The following MATN2 variants were observed in gnomAD, a reference collection of about 807,000 sequenced individuals.
MATN2 encodes the protein matrilin 2.
MATN2 carries 69 observed loss-of-function variants against 103.2 expected under a neutral mutation model. The observed-to-expected ratio is 0.67, with a 90% confidence interval of 0.55 to 0.82. The LOEUF (loss-of-function observed/expected upper bound fraction) is 0.82, where lower values mean the gene tolerates loss of function less well. Among genes scored for constraint, MATN2 ranks in the 40% least tolerant of loss-of-function variants. The pLI, the probability that MATN2 is intolerant of heterozygous loss-of-function variation, is 0.00. For missense variants in MATN2, 1,023 were observed against 1,211.5 expected (o/e 0.84, Z 2.31); for synonymous variants, 429 against 450.2 (o/e 0.95, Z 0.60).
chr8:97,946,142 G>T (rs570338661), intron 4 of MATN2, among the ~76,000 whole-genome samples: 3 of 152,122 alleles, frequency 2.0e-5, no homozygotes, highest in Admixed American at 6.6e-5. Flanking sequence ...TTCTTCAGGG[G>T]AGAAACACAT....
At chr8:98,004,801 C>A (rs1343352367) in intron 8 of MATN2, among the ~76,000 whole-genome samples, 3 of 152,242 alleles carry the variant, frequency 2.0e-5, no homozygotes, top group African/African-American at 7.2e-5. Context: ...CACAACAAAG[C>A]TCCACTGGGT....
chr8:97,918,853 C>A lies in MATN2; in HGVS notation c.143-12100C>A, dbSNP rs77326591. On this transcript the variant is annotated intron_variant, in intron 2 of 18. Coordinates refer to ENST00000254898, the MANE Select transcript of MATN2 (RefSeq NM_002380.5). ...CCTGTTCTGCCACCACTCATTAATC[C>A]CCTGACTGTGCACTTGTCACTTAAC... Among the ~76,000 whole-genome samples, 40 of 152,258 alleles carry A rather than the reference C, an allele frequency of 2.6e-4. No homozygotes were observed. In the East Asian group the frequency reaches 7.0e-3, roughly 26 times the overall value.
intron 6 of MATN2, among the ~76,000 whole-genome samples, chr8:97,988,219 C>T (rs374833542): frequency 2.4e-5 from 3 of 124,348 alleles, no homozygotes; most frequent in Non-Finnish European, 3.3e-5. Flanking sequence ...TACACACATA[C>T]ATATATATAT....
At chr8:97,916,211 A>G (rs1248385075) in intron 2 of MATN2, among the ~76,000 whole-genome samples, 5 of 152,032 alleles carry the variant, frequency 3.3e-5, no homozygotes, top group Non-Finnish European at 7.4e-5. Flanking sequence ...CTGGAATTGC[A>G]GGCACGCGCT....
intron 10 of MATN2, among the ~76,000 whole-genome samples, chr8:98,012,178 G>A (rs1474232772): frequency 1.3e-5 from 2 of 151,972 alleles, no homozygotes; most frequent in Non-Finnish European, 2.9e-5. Context: ...CTTTACCCTC[G>A]TTCTCTACAA....
chr8:97,967,965 A>T (rs1811539383), intron 5 of MATN2, among the ~76,000 whole-genome samples: 1 of 152,238 alleles, frequency 6.6e-6, no homozygotes, highest in Admixed American at 6.5e-5. Context: ...TTTCCAAGAC[A>T]TACTCTGAAG....
At chr8:97,919,047 A>G (rs1207927068) in intron 2 of MATN2, among the ~76,000 whole-genome samples, 3 of 152,200 alleles carry the variant, frequency 2.0e-5, no homozygotes, top group African/African-American at 4.8e-5. Context: ...TATGATTGCC[A>G]TATTTTCAAG....
intron 3 of MATN2, among the ~76,000 whole-genome samples, chr8:97,940,220 G>A (rs753858829): frequency 2.0e-4 from 30 of 152,234 alleles, no homozygotes; most frequent in Non-Finnish European, 3.7e-4. Context: ...TAGGAGAATC[G>A]CTTCAGCTCA....
intron 6 of MATN2, among the ~76,000 whole-genome samples, chr8:97,986,605 T>C (rs7842460): frequency 0.25 from 37,929 of 152,242 alleles, 5,103 homozygotes; most frequent in African/African-American, 0.35. Context: ...GCAAATGCCA[T>C]TCTTTTGTTC....
intron 2 of MATN2, among the ~76,000 whole-genome samples, chr8:97,928,580 GGCTT>G (rs1810071486): frequency 6.6e-6 from 1 of 152,136 alleles, no homozygotes; most frequent in African/African-American, 2.4e-5. Context: ...TGGGGCTCAG[GGCTT>G]GGCTGGATTT....
chr8:97,937,399 C>T (rs1306460207), intron 3 of MATN2, among the ~76,000 whole-genome samples: 1 of 152,108 alleles, frequency 6.6e-6, no homozygotes, highest in East Asian at 1.9e-4. Flanking sequence ...CTCACTTGTT[C>T]GAGGTAGAGG....
chr8:98,004,068 C>G, intron 8 of MATN2: 3 of 343,494 alleles, frequency 8.7e-6, no homozygotes, highest in South Asian at 7.5e-5. Flanking sequence ...GGGCAGATCA[C>G]CTGAGGTCAG....
chr8:97,944,122 C>A (rs773479811), intron 4 of MATN2, among the ~76,000 whole-genome samples: 1 of 152,132 alleles, frequency 6.6e-6, no homozygotes, highest in Admixed American at 6.5e-5. Context: ...GAGGTCCAGG[C>A]GGAGGAGGGC....
chr8:97,917,146 C>T (rs1274044961), intron 2 of MATN2, among the ~76,000 whole-genome samples: 1 of 152,156 alleles, frequency 6.6e-6, no homozygotes, highest in East Asian at 1.9e-4. Flanking sequence ...CATTCCCCAG[C>T]ACCTTCATAA....
rs1554614493 is a variant in MATN2 at position 98,007,856 on chromosome 8, G to GCCCT, written c.1573+256_1573+259dup. On this transcript the variant is annotated intron_variant, in intron 10 of 18. Coordinates refer to ENST00000254898, the MANE Select transcript of MATN2 (RefSeq NM_002380.5). This position sits in a 1 kb window ranked among gnomAD's most constrained non-coding sequence, Gnocchi z 4.2. ...CCCTGTCATTCTGAAGCTGGACAGAGCCCTTGTCCTCAGCTCTCTCTGCTC... is the reference window on the plus strand; with the variant it reads ...CCCTGTCATTCTGAAGCTGGACAGAGCCCTCCCTTGTCCTCAGCTCTCTCTGCTC... Among the ~76,000 whole-genome samples the GCCCT allele has an allele frequency of 2.6e-5, 4 of 152,190 alleles. No homozygotes were observed. The highest frequency in any genetic ancestry group is 4.8e-5 in the African/African-American group (2 of 41,422).
At chr8:97,950,598 G>C (rs1448783264) in intron 4 of MATN2, 1 of 152,156 alleles carries the variant, frequency 6.6e-6, no homozygotes, top group Non-Finnish European at 1.5e-5. Flanking sequence ...CCCCCACACA[G>C]AGAGCAGAAT....
At chr8:97,924,269 C>T (rs761434145) in intron 2 of MATN2, among the ~76,000 whole-genome samples, 62 of 152,218 alleles carry the variant, frequency 4.1e-4, no homozygotes, top group Non-Finnish European at 7.5e-4. Flanking sequence ...TTCATAATTG[C>T]AGCCTTTAAG....
intron 4 of MATN2, among the ~76,000 whole-genome samples, chr8:97,960,097 C>T (rs1054521868): frequency 6.6e-6 from 1 of 152,134 alleles, no homozygotes; most frequent in East Asian, 1.9e-4. Context: ...GCTGGGATTA[C>T]AGGCGCGTGC....
At chr8:98,030,959 G>A (rs758579026) in intron 15 of MATN2, among the ~76,000 whole-genome samples, 8 of 151,966 alleles carry the variant, frequency 5.3e-5, no homozygotes, top group East Asian at 1.9e-4. Context: ...CACCGTGTCC[G>A]GCCAGCATGA....
Sources: allele counts gnomAD v4.1 joint callset (sites outside exome capture counted in the v4.1 genomes callset), GRCh38; gene constraint gnomAD v4.1.1; non-coding constraint Gnocchi (gnomAD v3.1); transcripts MANE v1.5; gene names NCBI Gene and HGNC (gene_info 2026-07-23, HGNC 2026-07-21).